Variants in FRK observed in about 807,000 individuals in gnomAD.
FRK encodes tyrosine-protein kinase FRK.
In FRK, 51 loss-of-function variants were observed where a neutral mutation model predicts 56.4. The observed-to-expected ratio is 0.90, with a 90% CI of 0.72 to 1.14. The LOEUF is 1.14. Ranked by LOEUF, FRK falls within the 50% of genes most tolerant of loss-of-function variation. The pLI, the probability that FRK is intolerant of heterozygous loss-of-function variation, is 0.00. For synonymous variants in FRK, 245 were observed against 217.9 expected, an observed-to-expected ratio of 1.12 and a Z score of -1.10; for missense variants, 570 against 601.4, an observed-to-expected ratio of 0.95 and a Z score of 0.55.
At chr6:116,003,794 A>G (rs1775148609) in intron 2 of FRK, 83 bp downstream of exon 2, 1 of 1,478,050 alleles carries the variant, frequency 6.8e-7, no homozygotes, top group South Asian at 1.3e-5. Context: ...CAAATTTTAA[A>G]TGATCGTGTC....
intron 5 of FRK, 138 bp downstream of exon 5, chr6:115,956,314 C>G: frequency 4.3e-6 from 2 of 469,598 alleles, no homozygotes; most frequent in Non-Finnish European, 7.1e-6. Flanking sequence ...TTGAGCCATT[C>G]AGTGTTAAGA....
chr6:115,946,731 A>G (rs1311417060), intron 5 of FRK, among the ~76,000 whole-genome samples: 1 of 152,248 alleles, frequency 6.6e-6, no homozygotes, highest in Admixed American at 6.5e-5. Flanking sequence ...TAAACCTACA[A>G]GAAAACCGTG....
chr6:115,936,592 G>C lies in FRK; in HGVS notation c.*5822C>G, dbSNP rs1772048908. 6.6e-6 allele frequency: 1 copy of C among 152,088 alleles called. No individual in the cohort carries two copies. Among genetic ancestry groups the C allele is most frequent in the Non-Finnish European group, 1.5e-5 (1 of 68,024 alleles). 9.4% of individuals were successfully genotyped at this position (152,088 alleles called of 1,614,324 possible). ...TAAGAACACTGTAAAAAGATTAGAG[G>C]AATTGCTAACTAGAATAACAAGTAT... is the stretch of plus-strand genomic sequence containing the variant. On this transcript the variant is annotated 3_prime_UTR_variant, in exon 8 of 8. Coordinates refer to ENST00000606080, the MANE Select transcript of FRK (RefSeq NM_002031.3).
intron 1 of FRK, among the ~76,000 whole-genome samples, chr6:116,053,124 A>G (rs1777240152): frequency 6.6e-6 from 1 of 152,154 alleles, no homozygotes; most frequent in Admixed American, 6.6e-5. Flanking sequence ...ATCTGAGCCT[A>G]TATTTTATGT....
rs1231151199 is a variant in FRK at position 115,937,553 on chromosome 6, A to G, written c.*4861T>C. On this transcript the variant is annotated 3_prime_UTR_variant, in exon 8 of 8. Transcript: ENST00000606080. ...CAAATTGGATAAAGACTCAAGACCCATCAGTGTGCTGTATTCAGGAGACCC... is the reference window on the plus strand; with the variant it reads ...CAAATTGGATAAAGACTCAAGACCCGTCAGTGTGCTGTATTCAGGAGACCC... 1 of 152,188 alleles carries G rather than the reference A, an allele frequency of 6.6e-6. No individual in the cohort carries two copies. The highest frequency in any genetic ancestry group is 1.5e-5 in the Non-Finnish European group (1 of 68,042). The allele number at this position is 152,188 out of a possible 1,614,324, so 9.4% of individuals were successfully genotyped here. A position where few individuals can be genotyped will look rare whatever the true frequency, so the allele number is the denominator to read the frequency against.
At chr6:116,080,060 A>T in the FRK span, among the ~76,000 whole-genome samples, 5 of 152,240 alleles carry the variant, frequency 3.3e-5, no homozygotes, top group Non-Finnish European at 7.3e-5. Context: ...TTTTTTTATA[A>T]TAAAAGTATT....
intron 4 of FRK, among the ~76,000 whole-genome samples, chr6:115,958,722 A>G (rs1414063799): frequency 3.2e-4 from 8 of 24,980 alleles, no homozygotes; most frequent in African/African-American, 8.9e-4. Flanking sequence ...AAAGAAAGAA[A>G]GAAAGAAAGA....
chr6:116,033,611 G>A (rs956495732), intron 1 of FRK, among the ~76,000 whole-genome samples: 9 of 152,138 alleles, frequency 5.9e-5, no homozygotes, highest in African/African-American at 2.2e-4. Context: ...AGTGGAAGAA[G>A]CCAAGGAAAA....
chr6:116,022,942 A>T (rs1775932704), intron 1 of FRK, among the ~76,000 whole-genome samples: 1 of 152,210 alleles, frequency 6.6e-6, no homozygotes, highest in African/African-American at 2.4e-5. Context: ...AAAAGCAGTC[A>T]ACAAAAACGA....
In FRK at chr6:116,060,184, T is replaced by C; in HGVS notation, c.128A>G (p.His43Arg). 3.7e-6 allele frequency: 6 copies of C among 1,614,172 alleles called. No individual in the cohort carries two copies. The highest frequency in any genetic ancestry group is 4.2e-6 in the Non-Finnish European group (5 of 1,180,024). Residue 43 changes from histidine to arginine, a missense_variant, in exon 1 of 8, where the codon CAT becomes CGT. Physicochemically the swap from His to Arg is conservative, Grantham distance 29. Coordinates refer to ENST00000606080, the MANE Select transcript of FRK (RefSeq NM_002031.3). ...AAACAAAGCCACAAAGTAGTGGCCA[T>C]GCCTCTGTGACTGGGGAGAGCAAAG... ...GALCSPQSQRHGHYFVALFDY... is the reference protein window; with the variant it reads ...GALCSPQSQRRGHYFVALFDY...
At chr6:116,058,888 G>T (rs1777502244) in intron 1 of FRK, among the ~76,000 whole-genome samples, 1 of 147,362 alleles carries the variant, frequency 6.8e-6, no homozygotes, top group Admixed American at 6.9e-5. Flanking sequence ...TCCAGCCTGG[G>T]GGACAGAGCG....
chr6:116,038,616 T>C, intron 1 of FRK: 1 of 263,976 alleles, frequency 3.8e-6, no homozygotes, highest in Non-Finnish European at 7.5e-6. Flanking sequence ...CCTTAAGCTT[T>C]TGCCCATACT....
chr6:116,013,813 T>C (rs1775553532), intron 1 of FRK, among the ~76,000 whole-genome samples: 1 of 152,128 alleles, frequency 6.6e-6, no homozygotes. Flanking sequence ...CTAGTAGTCA[T>C]TGTGTGTAAA....
chr6:115,947,313 AAACAGTGTGTGTGTGT>A (rs749610063), intron 5 of FRK, among the ~76,000 whole-genome samples: 54 of 91,166 alleles, frequency 5.9e-4, no homozygotes, highest in Non-Finnish European at 1.2e-3. Context: ...GGAAAGACTT[AAACAGTGTGTGTGTGT>A]GTGTGTGTGT....
At chr6:116,069,704 G>C in the FRK span, among the ~76,000 whole-genome samples, 4 of 152,304 alleles carry the variant, frequency 2.6e-5, no homozygotes, top group South Asian at 8.3e-4. Flanking sequence ...TTCTGCACTA[G>C]AGCAGGGGAA....
the FRK span, among the ~76,000 whole-genome samples, chr6:116,086,061 A>G: frequency 6.6e-6 from 1 of 151,224 alleles, no homozygotes; most frequent in Admixed American, 6.6e-5. Context: ...GCTGGAGTGC[A>G]GTGGCATGAT....
chr6:115,958,749 AAG>A lies in FRK; in HGVS notation c.800-2141_800-2140del. Among the ~76,000 whole-genome samples the A allele has an allele frequency of 1.3e-4, 5 of 39,602 alleles. No homozygotes were observed. In the South Asian group the frequency reaches 7.7e-3, roughly 61 times the overall value. The allele number at this position is 39,602 out of a possible 152,430, so 26.0% of individuals were successfully genotyped here. On this transcript the variant is annotated intron_variant, in intron 4 of 7. Coordinates refer to ENST00000606080, the MANE Select transcript of FRK (RefSeq NM_002031.3). ...AAAGAAAGAAAGAAAGAAAGAAAGA[AAG>A]AAAGAAAGAAAGAAAGAGGGGGGGG...
rs2114489630 is a variant in FRK, at chr6:115,935,363, T to G, written c.*7051A>C. ...TCTTTGAAACCTGCAGACCAGGAGATTCCCTCCGGTGCCTACGCCACTGGG... is the reference window on the plus strand; with the variant it reads ...TCTTTGAAACCTGCAGACCAGGAGAGTCCCTCCGGTGCCTACGCCACTGGG... On this transcript the variant is annotated 3_prime_UTR_variant, in exon 8 of 8. Transcript: ENST00000606080. The G allele has an allele frequency of 6.6e-6, 1 of 152,618 alleles. No homozygotes were observed. The highest frequency in any genetic ancestry group is 1.9e-4 in the East Asian group (1 of 5,196). The allele number at this position is 152,618 out of a possible 1,614,324, so 9.5% of individuals were successfully genotyped here. A position where few individuals can be genotyped will look rare whatever the true frequency, so the allele number is the denominator to read the frequency against.
At chr6:115,998,777 C>A (rs541333900) in intron 2 of FRK, among the ~76,000 whole-genome samples, 1 of 152,302 alleles carries the variant, frequency 6.6e-6, no homozygotes, top group East Asian at 1.9e-4. Context: ...AAGAAATAAA[C>A]AAAGGTATAA....
Sources: allele counts gnomAD v4.1 joint callset (sites outside exome capture counted in the v4.1 genomes callset), GRCh38; gene constraint gnomAD v4.1.1; transcripts MANE v1.5; gene names NCBI Gene and HGNC (gene_info 2026-07-23, HGNC 2026-07-21).